The following CPAMD8 variants were observed in gnomAD, a reference collection of about 807,000 sequenced individuals.
CPAMD8 encodes the protein C3 and PZP-like alpha-2-macroglobulin domain-containing protein 8.
CPAMD8 carries 146 observed loss-of-function variants against 224.7 expected under a neutral mutation model. The observed-to-expected ratio is 0.65, with a 90% CI of 0.57 to 0.75. The LOEUF is 0.75. Among genes scored for constraint, CPAMD8 ranks in the 30% least tolerant of loss-of-function variants. The probability of loss-of-function intolerance (pLI) is 0.00; values close to 1 mark genes in which losing one functional copy is unlikely to be tolerated. For missense variants in CPAMD8, 2,301 were observed against 2,537.5 expected, an observed-to-expected ratio of 0.91 and a Z score of 2.00; for synonymous variants, 966 against 1,044.6, an observed-to-expected ratio of 0.92 and a Z score of 1.45.
rs2052857846 is a variant in CPAMD8 at position 16,914,485 on chromosome 19, C to A, written c.3800G>T (p.Gly1267Val). The change falls in exon 29 of 42, where the codon GGC becomes GTC. Residue 1267 changes from glycine to valine, a missense_variant. This residue lies in a region of CPAMD8 where 1,709 missense variants were observed against 1,753.2 expected (regional missense o/e 0.97). Transcript: ENST00000443236. ...CACGTAGGCTGTCAGCGGGACAGTG[C>A]CGTGGATCCCACCCTGCAAGGGGAC... ...LNKDIQGGIH[G>V]TVPLTAYVVV... 3 of 1,614,148 alleles carry A rather than the reference C, an allele frequency of 1.9e-6. No individual in the cohort carries two copies. In the East Asian group the frequency reaches 6.7e-5, roughly 36 times the overall value.
At chr19:16,923,739 G>C (rs1321091954) in intron 26 of CPAMD8, among the ~76,000 whole-genome samples, 1 of 152,170 alleles carries the variant, frequency 6.6e-6, no homozygotes, top group East Asian at 1.9e-4. Flanking sequence ...CAAGGTGAGA[G>C]GATCACTTGA....
chr19:16,923,117 C>T (rs1304476994), intron 26 of CPAMD8, among the ~76,000 whole-genome samples: 1 of 152,314 alleles, frequency 6.6e-6, no homozygotes, highest in South Asian at 2.1e-4. Flanking sequence ...GGGAACGGAG[C>T]AGGGAACGAG....
chr19:16,898,025 C>G lies in CPAMD8; in HGVS notation c.4849-31G>C. 6.4e-7 allele frequency: 1 copy of G among 1,564,346 alleles called. No homozygotes were observed. Among genetic ancestry groups the G allele is most frequent in the South Asian group, 1.1e-5 (1 of 87,252 alleles). ...GGGCAGCGGCGGGCGCAGGCTCGACCCGGGCCAGGAGGCCCGGGGCGCTGA... is the reference window on the plus strand; with the variant it reads ...GGGCAGCGGCGGGCGCAGGCTCGACGCGGGCCAGGAGGCCCGGGGCGCTGA... On this transcript the variant is annotated intron_variant, in intron 37 of 41. Transcript: ENST00000443236. This position sits in a 1 kb window ranked among gnomAD's most constrained non-coding sequence, Gnocchi z 4.2.
intron 36 of CPAMD8, among the ~76,000 whole-genome samples, chr19:16,900,008 G>C (rs1694584056): frequency 6.6e-6 from 1 of 151,966 alleles, no homozygotes; most frequent in African/African-American, 2.4e-5. Flanking sequence ...CCTTGGAGGG[G>C]AGGTGACAAT....
intron 11 of CPAMD8, among the ~76,000 whole-genome samples, chr19:16,994,909 C>T (rs1404370253): frequency 6.6e-6 from 1 of 152,190 alleles, no homozygotes; most frequent in Non-Finnish European, 1.5e-5. Flanking sequence ...TCAAGTGGTC[C>T]TCTTGCCTCG....
rs1415722379 is a variant in CPAMD8 at position 16,987,188 on chromosome 19, ATATATATATATATATATATATG to A, written c.1395+2433_1395+2454del. ...AAAAAAAAAAAAAAAAAATATATAT[ATATATATATATATATATATATG>A]TATATGTGGGTATCTAGATGTCTAT... On this transcript the variant is annotated intron_variant, in intron 13 of 41. Transcript: ENST00000443236. 1.0e-4 allele frequency among the ~76,000 whole-genome samples: 10 copies of A among 98,096 alleles called. No homozygotes were observed. In the South Asian group the frequency reaches 2.4e-3, roughly 23 times the overall value. The allele number at this position is 98,096 out of a possible 152,430, so 64.4% of individuals were successfully genotyped here.
chr19:17,016,631 G>T (rs968541831), intron 3 of CPAMD8, among the ~76,000 whole-genome samples: 1 of 152,132 alleles, frequency 6.6e-6, no homozygotes, highest in Non-Finnish European at 1.5e-5. Context: ...CATGGTGGGG[G>T]CGTCTGCAGT....
At chr19:16,967,833 A>C (rs1022471478) in intron 18 of CPAMD8, among the ~76,000 whole-genome samples, 7 of 34,584 alleles carry the variant, frequency 2.0e-4, no homozygotes, top group Non-Finnish European at 4.2e-4. Context: ...ATATATGTAT[A>C]TATATACACA....
chr19:16,981,352 C>A (rs975843720), intron 13 of CPAMD8, among the ~76,000 whole-genome samples: 2 of 151,242 alleles, frequency 1.3e-5, no homozygotes, highest in Admixed American at 6.6e-5. Flanking sequence ...CAGAGTGAGA[C>A]CCTGTCTCCA....
chr19:16,911,609 C>T (rs1418991867), intron 29 of CPAMD8, among the ~76,000 whole-genome samples: 2 of 151,618 alleles, frequency 1.3e-5, no homozygotes, highest in Admixed American at 1.3e-4. Flanking sequence ...GCAGTGGCAC[C>T]ATCTCGGCTC....
chr19:16,976,790 C>T (rs1028703504), intron 15 of CPAMD8, among the ~76,000 whole-genome samples: 3 of 151,936 alleles, frequency 2.0e-5, no homozygotes, highest in Non-Finnish European at 4.4e-5. Context: ...ACCTGTAATC[C>T]CAGCACTTCG....
intron 15 of CPAMD8, among the ~76,000 whole-genome samples, chr19:16,976,467 A>T (rs974571673): frequency 2.0e-5 from 3 of 151,312 alleles, no homozygotes; most frequent in African/African-American, 7.3e-5. Context: ...CAAGAATGAA[A>T]CTCCATTTCA....
In CPAMD8 at chr19:16,988,224, G is replaced by A. The variant is rs114766502; in HGVS notation, c.1395+1419C>T. 4.6e-3 allele frequency among the ~76,000 whole-genome samples: 697 copies of A among 152,288 alleles called. 6 individuals carry two copies. Among genetic ancestry groups the A allele is most frequent in the African/African-American group, 0.015 (643 of 41,574 alleles). The stretch of plus-strand genomic sequence containing the variant: ...TGGGGAATCTGGCCCCATAGCAGCA[G>A]CTCTATGTCAGGTCTGGGTGCAGTG... On this transcript the variant is annotated intron_variant, in intron 13 of 41. Transcript: ENST00000443236.
Position 16,980,745 on chromosome 19 carries a change from A to T in CPAMD8, c.1396-59T>A. 2.2e-6 allele frequency: 3 copies of T among 1,378,884 alleles called. No homozygotes were observed. The South Asian group carries it at 4.5e-5, about 21-fold the overall frequency. The allele number at this position is 1,378,884 out of a possible 1,614,324, so 85.4% of individuals were successfully genotyped here. ...TCGCACCAATGTTGCAACCCACCACAGGAAGACGGCCATTCTGGGGCCAGA... is the reference window on the plus strand; with the variant it reads ...TCGCACCAATGTTGCAACCCACCACTGGAAGACGGCCATTCTGGGGCCAGA... On this transcript the variant is annotated intron_variant, in intron 13 of 41. Coordinates refer to ENST00000443236, the MANE Select transcript of CPAMD8 (RefSeq NM_015692.5).
At position 16,899,559 on chromosome 19, in the gene CPAMD8, A is replaced by C; in HGVS notation, c.4774-10T>G. On this transcript the variant is annotated splice_polypyrimidine_tract_variant and intron_variant, in intron 36 of 41. Coordinates refer to ENST00000443236, the MANE Select transcript of CPAMD8 (RefSeq NM_015692.5). This position sits in a 1 kb window ranked among gnomAD's most constrained non-coding sequence, Gnocchi z 5.4. ...GCTTGTCAAGGAGCAGCTGCAGAGG[A>C]AGCCAGAAGTCAGGGTCCTCAGACT... 7.0e-7 allele frequency: 1 copy of C among 1,437,312 alleles called. No homozygotes were observed. Among genetic ancestry groups the C allele is most frequent in the Non-Finnish European group, 9.8e-7 (1 of 1,019,108 alleles). The allele number at this position is 1,437,312 out of a possible 1,614,324, so 89.0% of individuals were successfully genotyped here.
At chr19:16,907,177 C>T (rs2052554021) in intron 29 of CPAMD8, 60 bp from the exon 30 acceptor site, 1 of 1,450,680 alleles carries the variant, frequency 6.9e-7, no homozygotes, top group Non-Finnish European at 9.1e-7. Flanking sequence ...TCCCACCCAC[C>T]CACTGGCTTC....
At chr19:16,975,932 G>A in intron 16 of CPAMD8, 70 bp downstream of exon 16, 3 of 1,380,832 alleles carry the variant, frequency 2.2e-6, no homozygotes, top group South Asian at 1.7e-5. Flanking sequence ...AATGAGAGAT[G>A]GGAAAGGGAG....
At chr19:16,948,876 GGGA>G (rs1243642904) in intron 20 of CPAMD8, among the ~76,000 whole-genome samples, 6 of 51,838 alleles carry the variant, frequency 1.2e-4, no homozygotes, top group Admixed American at 5.7e-4. Context: ...GGAAAGGGAA[GGGA>G]AGGGAAGGGA....
chr19:16,957,597 A>G, intron 19 of CPAMD8: 1 of 464,024 alleles, frequency 2.2e-6, no homozygotes, highest in Non-Finnish European at 3.9e-6. Context: ...AACAGAGCAG[A>G]TAGAGTAACC....
Sources: allele counts gnomAD v4.1 joint callset (sites outside exome capture counted in the v4.1 genomes callset), GRCh38; gene constraint gnomAD v4.1.1; regional missense constraint gnomAD v4.1.1; non-coding constraint Gnocchi (gnomAD v3.1); transcripts MANE v1.5; gene names NCBI Gene and HGNC (gene_info 2026-07-23, HGNC 2026-07-21).